The following COL28A1 variants were observed in gnomAD, a reference collection of about 807,000 sequenced individuals.
The protein encoded by COL28A1 is collagen alpha-1(XXVIII) chain.
COL28A1 carries 161 observed loss-of-function variants against 150.2 expected under a neutral mutation model. That is an observed-to-expected ratio of 1.07 (90% CI 0.94 to 1.22). The LOEUF is 1.22. Ranked by LOEUF, COL28A1 falls within the 50% of genes most tolerant of loss-of-function variation. The probability of loss-of-function intolerance (pLI) is 0.00; values close to 1 mark genes in which losing one functional copy is unlikely to be tolerated. For synonymous variants in COL28A1, 552 were observed against 469.7 expected, an observed-to-expected ratio of 1.18 and a Z score of -2.26; for missense variants, 1,617 against 1,388.3, an observed-to-expected ratio of 1.16 and a Z score of -2.62.
chr7:7,538,818 C>T (rs184910216), upstream of COL28A1, among the ~76,000 whole-genome samples: 11 of 152,028 alleles, frequency 7.2e-5, no homozygotes, highest in East Asian at 1.9e-3. Flanking sequence ...AAGCTTCTCC[C>T]TATTTTAGCC....
chr7:7,518,734 A>T (rs184890716), intron 6 of COL28A1, among the ~76,000 whole-genome samples: 3 of 152,340 alleles, frequency 2.0e-5, no homozygotes, highest in Admixed American at 2.0e-4. Context: ...AAATGTTTTT[A>T]AACGTCAAAA....
intron 15 of COL28A1, among the ~76,000 whole-genome samples, chr7:7,465,196 G>C (rs971398234): frequency 6.7e-4 from 102 of 151,124 alleles, no homozygotes; most frequent in African/African-American, 2.4e-3. Context: ...CTGAGGTACC[G>C]GGTTCATCCC....
intron 4 of COL28A1, among the ~76,000 whole-genome samples, chr7:7,523,849 G>A (rs1304800771): frequency 6.6e-6 from 1 of 152,106 alleles, no homozygotes; most frequent in Non-Finnish European, 1.5e-5. Context: ...CTCTTAGCTG[G>A]GAACCCTCTG....
chr7:7,406,311 G>T (rs146534631), intron 27 of COL28A1, among the ~76,000 whole-genome samples: 3 of 152,274 alleles, frequency 2.0e-5, no homozygotes, highest in African/African-American at 7.2e-5. Flanking sequence ...TGCAGGTGGA[G>T]CTTGGTCATC....
intron 27 of COL28A1, among the ~76,000 whole-genome samples, chr7:7,385,267 G>C (rs1304722964): frequency 6.6e-6 from 1 of 152,210 alleles, no homozygotes; most frequent in Non-Finnish European, 1.5e-5. Flanking sequence ...CTGGTAGAAG[G>C]TTTGGGTTGC....
intron 15 of COL28A1, among the ~76,000 whole-genome samples, chr7:7,458,154 C>A: frequency 6.6e-6 from 1 of 152,316 alleles, no homozygotes; most frequent in South Asian, 2.1e-4. Context: ...CCGTGGCTCA[C>A]GCCTATAATC....
Position 7,495,505 on chromosome 7 carries a change from G to C in COL28A1, c.1027-4859C>G, listed in dbSNP as rs543129757. Reference sequence around the variant, plus strand: ...GACTCATCATTTCCAAAGATAAATTGTCATCTTTCACTCCCCAATATAGTC... The same window carrying C: ...GACTCATCATTTCCAAAGATAAATTCTCATCTTTCACTCCCCAATATAGTC... On this transcript the variant is annotated intron_variant, in intron 11 of 34. Coordinates refer to ENST00000399429, the MANE Select transcript of COL28A1 (RefSeq NM_001037763.3). Among the ~76,000 whole-genome samples, 73 of 152,206 alleles carry C rather than the reference G, an allele frequency of 4.8e-4. 1 individual carries two copies. Among genetic ancestry groups the C allele is most frequent in the African/African-American group, 1.7e-3 (69 of 41,522 alleles).
At chr7:7,496,139 A>T (rs1780196260) in intron 11 of COL28A1, among the ~76,000 whole-genome samples, 2 of 152,206 alleles carry the variant, frequency 1.3e-5, no homozygotes, top group African/African-American at 4.8e-5. Flanking sequence ...TGAAATCACT[A>T]TTTTAGTATT....
At chr7:7,359,782 C>CA (rs1780546698) in intron 34 of COL28A1, among the ~76,000 whole-genome samples, 1 of 152,064 alleles carries the variant, frequency 6.6e-6, no homozygotes, top group South Asian at 2.1e-4. Flanking sequence ...ACTCCCTAGA[C>CA]CAAATGGAAA....
At chr7:7,482,272 CCCAGCACTTCA>C (rs1779370212) in intron 13 of COL28A1, among the ~76,000 whole-genome samples, 1 of 152,148 alleles carries the variant, frequency 6.6e-6, no homozygotes, top group Non-Finnish European at 1.5e-5. Flanking sequence ...GGCCTGTAAT[CCCAGCACTTCA>C]GGACGCTGAG....
At chr7:7,522,860 G>A (rs540083668) in intron 4 of COL28A1, among the ~76,000 whole-genome samples, 5 of 131,702 alleles carry the variant, frequency 3.8e-5, no homozygotes, top group African/African-American at 1.2e-4. Flanking sequence ...ATTTTATAAC[G>A]TTTTTAAAAA....
rs774899738 is a variant in COL28A1 at position 7,477,205 on chromosome 7, GA to G, written c.1165-26del. ...CCTGGTTAGGATAGGAGAAAATGAG[GA>G]GCAGGAGGAGAGAGAAAAGGGAAAG... On this transcript the variant is annotated intron_variant, in intron 13 of 34. Coordinates refer to ENST00000399429, the MANE Select transcript of COL28A1 (RefSeq NM_001037763.3). The G allele has an allele frequency of 3.3e-6, 3 of 911,840 alleles. No individual in the cohort carries two copies. In the South Asian group the frequency reaches 3.9e-5, roughly 12 times the overall value. 56.5% of individuals were successfully genotyped at this position (911,840 alleles called of 1,614,324 possible).
At chr7:7,473,080 G>A (rs1788563806) in intron 15 of COL28A1, among the ~76,000 whole-genome samples, 1 of 152,110 alleles carries the variant, frequency 6.6e-6, no homozygotes, top group Non-Finnish European at 1.5e-5. Flanking sequence ...AATTCTAGAA[G>A]ATAACATTGA....
At chr7:7,351,632 A>G (rs1780231944), downstream of COL28A1, among the ~76,000 whole-genome samples, 1 of 152,132 alleles carries the variant, frequency 6.6e-6, no homozygotes, top group African/African-American at 2.4e-5. Flanking sequence ...ACTTTAAATG[A>G]ATTAGTTCAT....
intron 26 of COL28A1, among the ~76,000 whole-genome samples, chr7:7,419,294 C>T (rs751465475): frequency 4.6e-5 from 7 of 152,112 alleles, no homozygotes; most frequent in Admixed American, 1.3e-4. Context: ...CTACTACAAC[C>T]AAAAAATGTC....
At chr7:7,542,172 A>T in the COL28A1 span, among the ~76,000 whole-genome samples, 1 of 152,150 alleles carries the variant, frequency 6.6e-6, no homozygotes, top group Admixed American at 6.5e-5. Context: ...ACATAGTGAA[A>T]CCCCGTCTCT....
intron 6 of COL28A1, among the ~76,000 whole-genome samples, chr7:7,519,054 G>A (rs1280126904): frequency 6.6e-6 from 1 of 151,960 alleles, no homozygotes; most frequent in Admixed American, 6.6e-5. Context: ...CTTATATTAG[G>A]ACATTCTCAT....
At chr7:7,424,461 T>A (rs965403122) in intron 25 of COL28A1, among the ~76,000 whole-genome samples, 7 of 152,182 alleles carry the variant, frequency 4.6e-5, no homozygotes, top group African/African-American at 1.7e-4. Context: ...TGACCTGTGA[T>A]ATTTTCAGAT....
chr7:7,365,594 T>G (rs1780894210), intron 33 of COL28A1, among the ~76,000 whole-genome samples: 1 of 152,234 alleles, frequency 6.6e-6, no homozygotes, highest in African/African-American at 2.4e-5. Flanking sequence ...AAAGGTCTTT[T>G]GCTTTCTGAT....
Sources: allele counts gnomAD v4.1 joint callset (sites outside exome capture counted in the v4.1 genomes callset), GRCh38; gene constraint gnomAD v4.1.1; transcripts MANE v1.5; gene names NCBI Gene and HGNC (gene_info 2026-07-23, HGNC 2026-07-21).